The following FAM117B variants were observed in gnomAD, a reference collection of about 807,000 sequenced individuals.
FAM117B encodes the protein family with sequence similarity 117 member B.
A neutral mutation model predicts 52.8 loss-of-function variants in FAM117B; 22 were observed. That is an observed-to-expected ratio of 0.42 (90% CI 0.30 to 0.59). FAM117B has a LOEUF of 0.59. Among genes scored for constraint, FAM117B ranks in the 20% least tolerant of loss-of-function variants. The probability of loss-of-function intolerance (pLI) is 0.22; values close to 1 mark genes in which losing one functional copy is unlikely to be tolerated. For synonymous variants in FAM117B, 309 were observed against 324.1 expected, an observed-to-expected ratio of 0.95 and a Z score of 0.50; for missense variants, 678 against 802.6, an observed-to-expected ratio of 0.84 and a Z score of 1.88.
chr2:202,720,253 C>G (rs1353995765), intron 2 of FAM117B, among the ~76,000 whole-genome samples: 1 of 151,544 alleles, frequency 6.6e-6, no homozygotes, highest in Non-Finnish European at 1.5e-5. Context: ...TGGAATTGTC[C>G]TAAATGGAGT....
intron 1 of FAM117B, among the ~76,000 whole-genome samples, chr2:202,691,222 C>T (rs1268247286): frequency 6.6e-6 from 1 of 152,088 alleles, no homozygotes; most frequent in African/African-American, 2.4e-5. Context: ...TGGAGACCAG[C>T]CTGGCCAACA....
intron 4 of FAM117B, among the ~76,000 whole-genome samples, chr2:202,734,110 T>C (rs1042441523): frequency 2.6e-5 from 4 of 152,156 alleles, no homozygotes; most frequent in African/African-American, 9.7e-5. Context: ...GACTGGTGGT[T>C]GAGTAGGGCT....
At chr2:202,709,065 A>G (rs994320322) in intron 2 of FAM117B, among the ~76,000 whole-genome samples, 2 of 152,120 alleles carry the variant, frequency 1.3e-5, no homozygotes, top group African/African-American at 4.8e-5. Flanking sequence ...ATGATACTTC[A>G]TTGTAGTTCT....
chr2:202,734,902 G>A lies in FAM117B; in HGVS notation c.960+8539G>A, dbSNP rs113116971. 4.7e-3 allele frequency among the ~76,000 whole-genome samples: 711 copies of A among 152,132 alleles called. 4 individuals carry two copies. The highest frequency in any genetic ancestry group is 0.016 in the African/African-American group (665 of 41,512). On this transcript the variant is annotated intron_variant, in intron 4 of 7. Transcript: ENST00000392238. ...GAAATTTTAGAAGCTAAGAAAAGTC[G>A]AATAGAAAAATTATCTCTAAAGAAT...
Position 202,635,135 on chromosome 2 carries a change from C to T in FAM117B, c.-53C>T. On this transcript the variant is annotated 5_prime_UTR_variant, in exon 1 of 8. Coordinates refer to ENST00000392238, the MANE Select transcript of FAM117B (RefSeq NM_173511.4). ...GCCTCGAGAATCCTCCCCCTGCAGCCCAACAACAACAAAACCCCCCGTCTC... is the reference window on the plus strand; with the variant it reads ...GCCTCGAGAATCCTCCCCCTGCAGCTCAACAACAACAAAACCCCCCGTCTC... The T allele has an allele frequency of 1.8e-5, 22 of 1,250,948 alleles. No individual in the cohort carries two copies. Among genetic ancestry groups the T allele is most frequent in the Non-Finnish European group, 2.0e-5 (20 of 997,190 alleles). 77.5% of individuals were successfully genotyped at this position (1,250,948 alleles called of 1,614,324 possible).
chr2:202,694,363 G>A, intron 1 of FAM117B, among the ~76,000 whole-genome samples: 1 of 151,500 alleles, frequency 6.6e-6, no homozygotes, highest in South Asian at 2.1e-4. Flanking sequence ...GCTAATTTTT[G>A]TATTTTTAGT....
intron 2 of FAM117B, among the ~76,000 whole-genome samples, chr2:202,724,664 A>G (rs1691210278): frequency 6.6e-6 from 1 of 152,172 alleles, no homozygotes; most frequent in Non-Finnish European, 1.5e-5. Flanking sequence ...TAAATGCTTT[A>G]TTTGTAGTAT....
chr2:202,720,683 T>C (rs2105785565), intron 2 of FAM117B, among the ~76,000 whole-genome samples: 1 of 151,708 alleles, frequency 6.6e-6, no homozygotes, highest in East Asian at 1.9e-4. Context: ...CATTCATACA[T>C]TGCACTTGGC....
At chr2:202,640,762 A>T (rs1441399263) in intron 1 of FAM117B, among the ~76,000 whole-genome samples, 5 of 151,784 alleles carry the variant, frequency 3.3e-5, no homozygotes, top group Non-Finnish European at 7.4e-5. Context: ...GGTACATGCC[A>T]CTATGCCCAG....
intron 2 of FAM117B, among the ~76,000 whole-genome samples, chr2:202,711,366 T>A (rs1218425292): frequency 6.6e-6 from 1 of 152,188 alleles, no homozygotes; most frequent in Non-Finnish European, 1.5e-5. Flanking sequence ...TTGAGAAATA[T>A]CTATTGAGAT....
At chr2:202,696,113 G>T in intron 2 of FAM117B, 81 bp downstream of exon 2, 2 of 1,433,910 alleles carry the variant, frequency 1.4e-6, no homozygotes, top group Non-Finnish European at 1.9e-6. Context: ...GCTTTGAGTA[G>T]AACAAACATT....
intron 2 of FAM117B, among the ~76,000 whole-genome samples, chr2:202,706,890 T>C (rs1046635207): frequency 2.0e-4 from 31 of 152,304 alleles, no homozygotes; most frequent in African/African-American, 7.2e-4. Context: ...TTGTTGCCTG[T>C]CAGTAGCTTT....
intron 4 of FAM117B, among the ~76,000 whole-genome samples, chr2:202,740,421 G>A (rs914721399): frequency 7.0e-6 from 1 of 143,798 alleles, no homozygotes; most frequent in South Asian, 2.2e-4. Flanking sequence ...AGTAATAAAA[G>A]ATCTAATATG....
intron 4 of FAM117B, among the ~76,000 whole-genome samples, chr2:202,741,405 A>G (rs1194928950): frequency 8.4e-6 from 1 of 119,748 alleles, no homozygotes; most frequent in African/African-American, 3.1e-5. Context: ...TGACAGAGCA[A>G]GACTCTGTCT....
intron 1 of FAM117B, among the ~76,000 whole-genome samples, chr2:202,662,134 G>GTGTGTGTA (rs1435382889): frequency 2.0e-5 from 3 of 151,584 alleles, no homozygotes; most frequent in Non-Finnish European, 4.4e-5. Context: ...GTGTGTGTGT[G>GTGTGTGTA]TGTGTATGTG....
intron 2 of FAM117B, among the ~76,000 whole-genome samples, chr2:202,715,908 C>T (rs1296380105): frequency 3.3e-5 from 5 of 152,058 alleles, no homozygotes; most frequent in African/African-American, 2.4e-5. Context: ...AGCAAAACCC[C>T]GTCTCCACCA....
chr2:202,765,075 C>G (rs1691954816), intron 7 of FAM117B, among the ~76,000 whole-genome samples: 1 of 152,142 alleles, frequency 6.6e-6, no homozygotes, highest in South Asian at 2.1e-4. Flanking sequence ...GCATACATGT[C>G]TTTAAACATC....
At chr2:202,696,559 A>G (rs1690715127) in intron 2 of FAM117B, among the ~76,000 whole-genome samples, 1 of 152,210 alleles carries the variant, frequency 6.6e-6, no homozygotes, top group Admixed American at 6.5e-5. Flanking sequence ...AATATATTTA[A>G]TATATGGAAT....
At chr2:202,743,548 A>C (rs996607114) in intron 4 of FAM117B, among the ~76,000 whole-genome samples, 1 of 152,218 alleles carries the variant, frequency 6.6e-6, no homozygotes, top group African/African-American at 2.4e-5. Context: ...GATCCCAAAG[A>C]AAAGGAGATT....
Sources: allele counts gnomAD v4.1 joint callset (sites outside exome capture counted in the v4.1 genomes callset), GRCh38; gene constraint gnomAD v4.1.1; transcripts MANE v1.5; gene names NCBI Gene and HGNC (gene_info 2026-07-23, HGNC 2026-07-21).